Variants in AKAIN1 observed in about 807,000 individuals in gnomAD.
AKAIN1 encodes the protein A-kinase anchor protein inhibitor 1.
AKAIN1 carries 3 observed loss-of-function variants against 3.7 expected under a neutral mutation model. The observed-to-expected ratio is 0.82, with a 90% confidence interval of 0.37 to 2.12. The LOEUF (loss-of-function observed/expected upper bound fraction) is 2.12, where lower values mean the gene tolerates loss of function less well. Ranked by LOEUF, AKAIN1 falls within the 30% of genes most tolerant of loss-of-function variation. AKAIN1 has a pLI of 0.06. For missense variants in AKAIN1, 82 were observed against 82.7 expected (o/e 0.99, Z 0.03); for synonymous variants, 31 against 30.8 (o/e 1.01, Z -0.02).
At chr18:5,167,950 C>T (rs1033776402) in intron 1 of AKAIN1, among the ~76,000 whole-genome samples, 3 of 152,072 alleles carry the variant, frequency 2.0e-5, no homozygotes, top group Non-Finnish European at 4.4e-5. Context: ...CTCTAAATTG[C>T]CTTATGAAAT....
At chr18:5,152,715 A>G (rs1170248750) in intron 1 of AKAIN1, among the ~76,000 whole-genome samples, 1 of 152,154 alleles carries the variant, frequency 6.6e-6, no homozygotes, top group Non-Finnish European at 1.5e-5. Context: ...AGGTGCTGGG[A>G]GCAGGAAGGC....
At chr18:5,181,364 C>T (rs1248308815) in intron 1 of AKAIN1, among the ~76,000 whole-genome samples, 2 of 152,096 alleles carry the variant, frequency 1.3e-5, no homozygotes, top group Non-Finnish European at 2.9e-5. Context: ...CTGCTCATTG[C>T]AGCAAATCCA....
intron 1 of AKAIN1, among the ~76,000 whole-genome samples, chr18:5,185,633 AAAC>A (rs1274856975): frequency 6.6e-6 from 1 of 152,150 alleles, no homozygotes; most frequent in Admixed American, 6.5e-5. Flanking sequence ...ATGAAAATTA[AAAC>A]AACGAGGTAC....
chr18:5,181,742 G>T (rs1350255995), intron 1 of AKAIN1, among the ~76,000 whole-genome samples: 1 of 152,070 alleles, frequency 6.6e-6, no homozygotes, highest in Admixed American at 6.6e-5. Context: ...TGACTGCATG[G>T]TTGTTTCACC....
chr18:5,144,371 C>A lies in AKAIN1; in HGVS notation c.*1191G>T, dbSNP rs778090715. On this transcript the variant is annotated 3_prime_UTR_variant, in exon 2 of 2. Transcript: ENST00000434239. ...ATTCTTCCTCTGTCCCCAATAGCAC[C>A]AATTCAATAACTTTTGTGAAGCCCA... 1.3e-5 allele frequency among the ~76,000 whole-genome samples: 2 copies of A among 152,134 alleles called. No individual in the cohort carries two copies. Among genetic ancestry groups the A allele is most frequent in the Non-Finnish European group, 2.9e-5 (2 of 68,046 alleles).
At chr18:5,149,903 C>A (rs2071070974) in intron 1 of AKAIN1, among the ~76,000 whole-genome samples, 1 of 152,094 alleles carries the variant, frequency 6.6e-6, no homozygotes, top group African/African-American at 2.4e-5. Context: ...TGGTCTCAAA[C>A]TCCTGGGCTC....
At chr18:5,157,283 G>A (rs1254444420) in intron 1 of AKAIN1, among the ~76,000 whole-genome samples, 1 of 152,226 alleles carries the variant, frequency 6.6e-6, no homozygotes, top group Non-Finnish European at 1.5e-5. Flanking sequence ...AGGAGCTGGT[G>A]TCCAGACACA....
At chr18:5,197,622 G>C (rs1025154844), upstream of AKAIN1, 5 of 461,798 alleles carry the variant, frequency 1.1e-5, no homozygotes, top group Non-Finnish European at 1.7e-5. This position sits in a 1 kb window ranked among gnomAD's most constrained non-coding sequence, Gnocchi z 6.9. Context: ...GGAGGTCCGT[G>C]AGTCCTCTCT....
rs55915033 is a variant in AKAIN1, at chr18:5,192,456, C to CTTTTTCTTTTT, written c.16+4581_16+4582insAAAAAGAAAAA. The stretch of plus-strand genomic sequence containing the variant: ...TTCTTTCTTTCTTTCTTTTTCTTTT[C>CTTTTTCTTTTT]TTTGGTAGAGACAAGGACTATGTTC... On this transcript the variant is annotated intron_variant, in intron 1 of 1. Transcript: ENST00000434239. Among the ~76,000 whole-genome samples, 56 of 134,526 alleles carry CTTTTTCTTTTT rather than the reference C, an allele frequency of 4.2e-4. 1 individual carries two copies. Among genetic ancestry groups the CTTTTTCTTTTT allele is most frequent in the South Asian group, 2.5e-3 (11 of 4,314 alleles). 88.3% of individuals were successfully genotyped at this position (134,526 alleles called of 152,430 possible). A position where few individuals can be genotyped will look rare whatever the true frequency, so the allele number is the denominator to read the frequency against.
At chr18:5,174,033 T>A (rs868184046) in intron 1 of AKAIN1, among the ~76,000 whole-genome samples, 2 of 152,154 alleles carry the variant, frequency 1.3e-5, no homozygotes, top group East Asian at 3.9e-4. Flanking sequence ...ATTCATTCCA[T>A]ACCTGCTCTT....
At chr18:5,197,558 T>C, upstream of AKAIN1, 1 of 1,102,452 alleles carries the variant, frequency 9.1e-7, no homozygotes, top group Non-Finnish European at 1.1e-6. This position sits in a 1 kb window ranked among gnomAD's most constrained non-coding sequence, Gnocchi z 6.9. Context: ...CTCTGAGTTC[T>C]CCGAGTTGGG....
chr18:5,153,458 TAA>T (rs1280157714), intron 1 of AKAIN1, among the ~76,000 whole-genome samples: 3 of 150,386 alleles, frequency 2.0e-5, no homozygotes, highest in Non-Finnish European at 2.9e-5. Flanking sequence ...ACAAGTACAT[TAA>T]AGAGTCCAGA....
At chr18:5,176,055 A>G (rs2071224389) in intron 1 of AKAIN1, among the ~76,000 whole-genome samples, 1 of 152,142 alleles carries the variant, frequency 6.6e-6, no homozygotes, top group Admixed American at 6.5e-5. Flanking sequence ...AGACATTGCC[A>G]AATGTCCCCT....
chr18:5,194,216 C>T (rs1224034836), intron 1 of AKAIN1, among the ~76,000 whole-genome samples: 1 of 152,028 alleles, frequency 6.6e-6, no homozygotes, highest in African/African-American at 2.4e-5. Context: ...GTAATTAACT[C>T]CTTAAAAAAT....
intron 1 of AKAIN1, among the ~76,000 whole-genome samples, chr18:5,157,763 G>A (rs188008978): frequency 6.6e-6 from 1 of 152,162 alleles, no homozygotes; most frequent in Admixed American, 6.5e-5. Context: ...GAGTGCAGTG[G>A]CATGATAATG....
At chr18:5,155,803 A>G (rs1329511856) in intron 1 of AKAIN1, among the ~76,000 whole-genome samples, 1 of 152,148 alleles carries the variant, frequency 6.6e-6, no homozygotes, top group African/African-American at 2.4e-5. Flanking sequence ...CAAATTTTGG[A>G]AGCCAGAGGC....
intron 1 of AKAIN1, among the ~76,000 whole-genome samples, chr18:5,167,346 C>T (rs897611348): frequency 1.3e-5 from 2 of 152,062 alleles, no homozygotes; most frequent in South Asian, 4.1e-4. Flanking sequence ...CGTATGGCCG[C>T]CCTTGAACCA....
At chr18:5,156,765 G>T (rs967448851) in intron 1 of AKAIN1, among the ~76,000 whole-genome samples, 2 of 152,204 alleles carry the variant, frequency 1.3e-5, no homozygotes, top group Non-Finnish European at 2.9e-5. Context: ...CTTTAAAGCA[G>T]CTCCATGGCC....
rs568561446 is a variant in AKAIN1, at chr18:5,177,947, A to C, written c.16+19091T>G. Among the ~76,000 whole-genome samples the C allele has an allele frequency of 2.6e-5, 4 of 152,252 alleles. No individual in the cohort carries two copies. The East Asian group carries it at 5.8e-4, about 22-fold the overall frequency. ...AACACTGCCTGAGGAATTCCTGAGCATAAATGTTGTGGGCCCTGTCTTATT... is the reference window on the plus strand; with the variant it reads ...AACACTGCCTGAGGAATTCCTGAGCCTAAATGTTGTGGGCCCTGTCTTATT... On this transcript the variant is annotated intron_variant, in intron 1 of 1. Coordinates refer to ENST00000434239, the MANE Select transcript of AKAIN1 (RefSeq NM_001145194.2).
Sources: gnomAD v4.1 joint callset for allele counts (sites outside exome capture counted in the v4.1 genomes callset) on GRCh38, gnomAD v4.1.1 for gene constraint, Gnocchi (gnomAD v3.1) non-coding constraint, MANE v1.5 for transcripts, NCBI Gene and HGNC (gene_info 2026-07-23, HGNC 2026-07-21) for gene names.